MGAM2: variants seen among roughly 807,000 people sequenced by gnomAD.
MGAM2 encodes maltase-glucoamylase 2 (putative).
MGAM2 carries 98 observed loss-of-function variants against 96.1 expected under a neutral mutation model. The ratio of observed to expected loss-of-function variants is 1.02; its 90% CI spans 0.87 to 1.21. The LOEUF (loss-of-function observed/expected upper bound fraction) is 1.21, where lower values mean the gene tolerates loss of function less well. Ranked by LOEUF, MGAM2 falls within the 50% of genes most tolerant of loss-of-function variation. The pLI, the probability that MGAM2 is intolerant of heterozygous loss-of-function variation, is 0.00. For synonymous variants in MGAM2, 749 were observed against 414.8 expected, an observed-to-expected ratio of 1.81 and a Z score of -9.79; for missense variants, 2,055 against 1,182.4, an observed-to-expected ratio of 1.74 and a Z score of -10.82.
chr7:142,169,022 A>G (rs1796112977), intron 26 of MGAM2, among the ~76,000 whole-genome samples: 1 of 152,110 alleles, frequency 6.6e-6, no homozygotes, highest in South Asian at 2.1e-4. Context: ...GTGAAAATAT[A>G]AGTTCTAATT....
intron 1 of MGAM2, among the ~76,000 whole-genome samples, chr7:142,114,152 AG>A (rs1456847592): frequency 1.6e-5 from 2 of 122,110 alleles, no homozygotes; most frequent in African/African-American, 3.7e-5. Flanking sequence ...GAAAGAAAGA[AG>A]GAAAGAAAGA....
chr7:142,132,146 G>A (rs565737712), intron 6 of MGAM2, 61 bp downstream of exon 6: 1 of 619,746 alleles, frequency 1.6e-6, no homozygotes, highest in African/African-American at 1.8e-5. Context: ...TACTCATTCT[G>A]ATTTACTGGG....
intron 32 of MGAM2, among the ~76,000 whole-genome samples, chr7:142,179,437 T>C (rs774856075): frequency 6.6e-6 from 1 of 152,206 alleles, no homozygotes; most frequent in Non-Finnish European, 1.5e-5. Flanking sequence ...CATGCTCCAG[T>C]TCTCAAGAAG....
intron 15 of MGAM2, among the ~76,000 whole-genome samples, chr7:142,153,540 G>T (rs1242254181): frequency 6.6e-6 from 1 of 152,196 alleles, no homozygotes; most frequent in Non-Finnish European, 1.5e-5. Context: ...AGTTTCAGAG[G>T]TGTACCAGCT....
At chr7:142,162,148 T>C (rs942565867) in intron 23 of MGAM2, 144 bp downstream of exon 23, 1 of 491,958 alleles carries the variant, frequency 2.0e-6, no homozygotes, top group Non-Finnish European at 3.5e-6. Context: ...CAAATGAACA[T>C]GAAAGTGTTT....
intron 1 of MGAM2, among the ~76,000 whole-genome samples, chr7:142,116,441 A>C (rs1817404960): frequency 6.6e-6 from 1 of 152,210 alleles, no homozygotes; most frequent in African/African-American, 2.4e-5. Flanking sequence ...TGAAAGAAGA[A>C]GACTTGGATT....
At chr7:142,132,483 A>G (rs1165157628) in intron 6 of MGAM2, among the ~76,000 whole-genome samples, 1 of 139,100 alleles carries the variant, frequency 7.2e-6, no homozygotes, top group Non-Finnish European at 1.5e-5. Context: ...TATAAATTTC[A>G]TAATTTAAAA....
At chr7:142,187,718 T>A in intron 35 of MGAM2, 32 bp from the exon 36 acceptor site, 2 of 701,382 alleles carry the variant, frequency 2.9e-6, no homozygotes, top group Non-Finnish European at 5.2e-6. Flanking sequence ...GCCCCTGACA[T>A]GACGAGATCT....
intron 13 of MGAM2, among the ~76,000 whole-genome samples, chr7:142,144,533 A>G (rs1795328452): frequency 6.6e-6 from 1 of 152,258 alleles, no homozygotes; most frequent in African/African-American, 2.4e-5. Flanking sequence ...CTTAACAATA[A>G]CAATAAATAT....
chr7:142,159,305 G>A lies in MGAM2; in HGVS notation c.2182G>A (p.Ala728Thr). The A allele has an allele frequency of 4.3e-6, 3 of 702,596 alleles. No individual in the cohort carries two copies. The highest frequency in any genetic ancestry group is 1.5e-5 in the South Asian group (1 of 67,592). 43.5% of individuals were successfully genotyped at this position (702,596 alleles called of 1,614,324 possible). Residue 728 changes from alanine to threonine, a missense_variant, in exon 20 of 48, where the codon GCA (alanine) becomes ACA (threonine). Transcript: ENST00000477922. ...TACCTAGGGTGTGGACGAAGTGAAA[G>A]CATACATACCTGATGCCACCTGGTA... Reference protein sequence around the residue: ...VLYEGVDEVKAYIPDATWYDY... With the variant: ...VLYEGVDEVKTYIPDATWYDY...
At chr7:142,179,561 A>C (rs760421108) in intron 32 of MGAM2, among the ~76,000 whole-genome samples, 7 of 152,132 alleles carry the variant, frequency 4.6e-5, no homozygotes, top group Admixed American at 1.3e-4. Flanking sequence ...GGGTTTTATC[A>C]TGAAGGATGT....
chr7:142,154,101 A>G lies in MGAM2; in HGVS notation c.1718A>G (p.His573Arg). The stretch of plus-strand genomic sequence containing the variant: ...GCTGGATCTGGCAAATTTGCTGCTC[A>G]TTGGCTGGGGGACAATGCGGCCACA... ...TFAGSGKFAA[H>R]WLGDNAATWD... The change falls in exon 16 of 48, where the codon CAT (histidine) becomes CGT (arginine). Residue 573 changes from histidine to arginine, a missense_variant. Physicochemically the swap from His to Arg is conservative, Grantham distance 29. Transcript: ENST00000477922. 1 of 695,436 alleles carries G rather than the reference A, an allele frequency of 1.4e-6. No homozygotes were observed. Among genetic ancestry groups the G allele is most frequent in the Non-Finnish European group, 2.6e-6 (1 of 379,554 alleles). 43.1% of individuals were successfully genotyped at this position (695,436 alleles called of 1,614,324 possible). A position where few individuals can be genotyped will look rare whatever the true frequency, so the allele number is the denominator to read the frequency against.
At chr7:142,205,236 T>G (rs1336631595) in intron 45 of MGAM2, among the ~76,000 whole-genome samples, 4 of 152,128 alleles carry the variant, frequency 2.6e-5, no homozygotes, top group African/African-American at 9.7e-5. Context: ...TTCCACTTTT[T>G]GGCTATTATA....
chr7:142,203,055 A>G (rs1797286826), intron 45 of MGAM2, among the ~76,000 whole-genome samples: 1 of 152,002 alleles, frequency 6.6e-6, no homozygotes, highest in African/African-American at 2.4e-5. Flanking sequence ...GCATTTTTTC[A>G]TGTTTATTGG....
Position 142,175,702 on chromosome 7 carries a change from C to T in MGAM2, c.3738C>T (p.Thr1246=), listed in dbSNP as rs1181199425. The T allele has an allele frequency of 1.4e-6, 1 of 702,690 alleles. No homozygotes were observed. Among genetic ancestry groups the T allele is most frequent in the Non-Finnish European group, 2.6e-6 (1 of 384,976 alleles). The allele number at this position is 702,690 out of a possible 1,614,324, so 43.5% of individuals were successfully genotyped here. ...IDYMNRKLDF[T]LSANFQNLSL... ...ACATGAACCGGAAGCTGGATTTCAC[C>T]CTCAGTGCCAACTTTCAAAACCTCA... The change falls in exon 32 of 48, where the codon ACC becomes ACT. Residue 1246 remains threonine (T), a synonymous_variant. Transcript: ENST00000477922.
intron 46 of MGAM2, among the ~76,000 whole-genome samples, chr7:142,214,319 A>G (rs1439534649): frequency 2.0e-5 from 3 of 152,192 alleles, no homozygotes; most frequent in African/African-American, 7.2e-5. Context: ...GCAATCAGGA[A>G]AGAGAAAGAA....
In MGAM2 at chr7:142,183,260, C is replaced by T. The variant is rs777760661; in HGVS notation, c.3817-6C>T. On this transcript the variant is annotated splice_region_variant and splice_polypyrimidine_tract_variant and intron_variant, in intron 32 of 47. Transcript: ENST00000477922. The stretch of plus-strand genomic sequence containing the variant: ...ACATTTGCTGTTTGAAATTCTTTTA[C>T]TGCAGGACCCAGCCATTTCTGGCAA... 3.6e-5 allele frequency: 25 copies of T among 700,306 alleles called. No homozygotes were observed. The highest frequency in any genetic ancestry group is 6.0e-5 in the Non-Finnish European group (23 of 384,152). 43.4% of individuals were successfully genotyped at this position (700,306 alleles called of 1,614,324 possible).
At chr7:142,155,391 A>G (rs1014705071) in intron 17 of MGAM2, among the ~76,000 whole-genome samples, 1 of 152,188 alleles carries the variant, frequency 6.6e-6, no homozygotes, top group Non-Finnish European at 1.5e-5. Context: ...AGTGGGTTCA[A>G]AGTCCCCCCT....
chr7:142,160,080 C>T, intron 20 of MGAM2, 54 bp from the exon 21 acceptor site: 2 of 663,884 alleles, frequency 3.0e-6, no homozygotes, highest in Non-Finnish European at 5.4e-6. Flanking sequence ...TAAGGCCCCT[C>T]CTAGCTGAAA....
Sources: gnomAD v4.1 joint callset for allele counts (sites outside exome capture counted in the v4.1 genomes callset) on GRCh38, gnomAD v4.1.1 for gene constraint, MANE v1.5 for transcripts, NCBI Gene and HGNC (gene_info 2026-07-23, HGNC 2026-07-21) for gene names.